NEGR1: variants seen among roughly 807,000 people sequenced by gnomAD.
NEGR1 encodes IgLON family member 4.
In NEGR1, 10 loss-of-function variants were observed where a neutral mutation model predicts 40.9. That is an observed-to-expected ratio of 0.24 (90% confidence interval 0.15 to 0.42). The LOEUF (loss-of-function observed/expected upper bound fraction) is 0.42. Ranked by LOEUF, NEGR1 falls within the 10% of genes least tolerant of loss-of-function variation. The pLI, the probability that NEGR1 is intolerant of heterozygous loss-of-function variation, is 1.00. For missense variants in NEGR1, 352 were observed against 438.9 expected, an observed-to-expected ratio of 0.80 and a Z score of 1.77; for synonymous variants, 185 against 166.8, an observed-to-expected ratio of 1.11 and a Z score of -0.84.
intron 4 of NEGR1, among the ~76,000 whole-genome samples, chr1:71,637,183 T>C (rs1289337878): frequency 6.6e-6 from 1 of 152,068 alleles, no homozygotes; most frequent in Non-Finnish European, 1.5e-5. Flanking sequence ...CTTCCCTACT[T>C]TCATGTGCAT....
chr1:71,629,438 G>C (rs1650899582), intron 4 of NEGR1, among the ~76,000 whole-genome samples: 1 of 151,884 alleles, frequency 6.6e-6, no homozygotes, highest in Non-Finnish European at 1.5e-5. Flanking sequence ...CCCTTGAAGA[G>C]GTCCTTCACA....
chr1:71,968,212 C>T (rs1217407398), intron 1 of NEGR1, among the ~76,000 whole-genome samples: 1 of 152,022 alleles, frequency 6.6e-6, no homozygotes, highest in Non-Finnish European at 1.5e-5. Flanking sequence ...AAAGAGGAGA[C>T]ACTGAAAGGA....
intron 2 of NEGR1, among the ~76,000 whole-genome samples, chr1:71,864,536 A>G (rs192233666): frequency 1.3e-5 from 2 of 152,172 alleles, no homozygotes; most frequent in African/African-American, 2.4e-5. Flanking sequence ...TAAATGTTGT[A>G]TAGTAGGTGA....
Position 71,400,254 on chromosome 1 carries a change from C to T in NEGR1, c.*7192G>A, listed in dbSNP as rs1047410769. 2.6e-5 allele frequency: 4 copies of T among 152,120 alleles called. No individual in the cohort carries two copies. Among genetic ancestry groups the T allele is most frequent in the Non-Finnish European group, 5.9e-5 (4 of 68,010 alleles). The allele number at this position is 152,120 out of a possible 1,614,324, so 9.4% of individuals were successfully genotyped here. On this transcript the variant is annotated 3_prime_UTR_variant, in exon 7 of 7. Transcript: ENST00000357731. ...AGTTTCTACCAAACCAAGATGTGTG[C>T]TAGGACTGGGCTCATTAGCACTAAG...
At chr1:71,568,829 CGTGT>C (rs35692576) in intron 6 of NEGR1, among the ~76,000 whole-genome samples, 32,050 of 147,324 alleles carry the variant, frequency 0.22, 4,884 homozygotes, top group African/African-American at 0.43. Context: ...TATATGTATA[CGTGT>C]GTGTGTGTGT....
At chr1:71,763,188 T>C (rs967702894) in intron 3 of NEGR1, among the ~76,000 whole-genome samples, 10 of 152,228 alleles carry the variant, frequency 6.6e-5, no homozygotes, top group Non-Finnish European at 1.0e-4. Flanking sequence ...TACACAAACA[T>C]TGCACTAATG....
At chr1:71,601,763 C>T (rs1198908975) in intron 5 of NEGR1, among the ~76,000 whole-genome samples, 4 of 152,036 alleles carry the variant, frequency 2.6e-5, no homozygotes, top group African/African-American at 7.3e-5. Flanking sequence ...AATGGGTACA[C>T]ATGGACATAA....
chr1:71,659,670 T>C (rs1651991931), intron 4 of NEGR1, among the ~76,000 whole-genome samples: 1 of 152,080 alleles, frequency 6.6e-6, no homozygotes, highest in African/African-American at 2.4e-5. Context: ...GCAAAGGATA[T>C]GAACAGATAC....
intron 6 of NEGR1, among the ~76,000 whole-genome samples, chr1:71,545,235 A>G (rs1002570189): frequency 1.3e-5 from 2 of 151,584 alleles, no homozygotes; most frequent in African/African-American, 4.8e-5. Context: ...GAAATTCAGG[A>G]TCTGTTTGTC....
intron 3 of NEGR1, among the ~76,000 whole-genome samples, chr1:71,731,640 T>C (rs1222496908): frequency 6.6e-6 from 1 of 152,200 alleles, no homozygotes; most frequent in Admixed American, 6.5e-5. Flanking sequence ...TCTTTTTTCT[T>C]GGCTGTTCAT....
At chr1:72,075,441 T>C (rs1281982367) in intron 1 of NEGR1, among the ~76,000 whole-genome samples, 2 of 152,196 alleles carry the variant, frequency 1.3e-5, no homozygotes, top group Admixed American at 6.5e-5. Flanking sequence ...ATTAAGACTA[T>C]ATACTGGAAT....
intron 2 of NEGR1, among the ~76,000 whole-genome samples, chr1:71,812,749 T>C (rs1410066231): frequency 6.6e-6 from 1 of 152,016 alleles, no homozygotes; most frequent in Non-Finnish European, 1.5e-5. Context: ...GAGTTGTGTT[T>C]TTATTGTGTT....
intron 2 of NEGR1, among the ~76,000 whole-genome samples, chr1:71,933,709 T>G (rs897567224): frequency 2.0e-5 from 3 of 152,050 alleles, no homozygotes; most frequent in Non-Finnish European, 4.4e-5. Context: ...TATATTCTGA[T>G]ATACCACTTT....
intron 4 of NEGR1, among the ~76,000 whole-genome samples, chr1:71,686,529 G>A (rs915598679): frequency 9.2e-5 from 14 of 152,114 alleles, no homozygotes; most frequent in Non-Finnish European, 4.4e-5. Flanking sequence ...CAGAGCATGC[G>A]TGGGAAGTTT....
At chr1:71,747,427 CT>C (rs56846032) in intron 3 of NEGR1, among the ~76,000 whole-genome samples, 4,241 of 141,598 alleles carry the variant, frequency 0.03, 87 homozygotes, top group African/African-American at 0.073. Context: ...CTTCTTACAT[CT>C]TTTTTTTTTT....
chr1:71,744,227 A>C (rs1655308375), intron 3 of NEGR1, among the ~76,000 whole-genome samples: 7 of 150,918 alleles, frequency 4.6e-5, no homozygotes. Context: ...TCTGCTCTGC[A>C]GCCATAATTT....
At chr1:71,854,164 A>T (rs1659691875) in intron 2 of NEGR1, among the ~76,000 whole-genome samples, 1 of 152,086 alleles carries the variant, frequency 6.6e-6, no homozygotes, top group Non-Finnish European at 1.5e-5. Context: ...GTTCTCTTCG[A>T]AACTTTCCTT....
At chr1:71,842,247 T>C (rs1659268395) in intron 2 of NEGR1, among the ~76,000 whole-genome samples, 1 of 152,134 alleles carries the variant, frequency 6.6e-6, no homozygotes, top group Non-Finnish European at 1.5e-5. Context: ...GACAGTGGAA[T>C]AGAGTGAAAG....
intron 6 of NEGR1, among the ~76,000 whole-genome samples, chr1:71,553,975 C>T (rs1319524339): frequency 6.6e-6 from 1 of 151,404 alleles, no homozygotes; most frequent in East Asian, 2.0e-4. Flanking sequence ...GTAACTTAGG[C>T]TTACAGAAAA....
Sources: allele counts gnomAD v4.1 joint callset (sites outside exome capture counted in the v4.1 genomes callset), GRCh38; gene constraint gnomAD v4.1.1; transcripts MANE v1.5; gene names NCBI Gene and HGNC (gene_info 2026-07-23, HGNC 2026-07-21).